ERICH3: variants seen among roughly 807,000 people sequenced by gnomAD.
ERICH3 encodes the protein glutamate rich 3.
A neutral mutation model predicts 131.1 loss-of-function variants in ERICH3; 126 were observed. The observed-to-expected ratio is 0.96, with a 90% CI of 0.83 to 1.11. ERICH3 has a LOEUF of 1.11. ERICH3 is among the 50% of genes most tolerant of loss of function. The pLI, the probability that ERICH3 is intolerant of heterozygous loss-of-function variation, is 0.00. For missense variants in ERICH3, 2,050 were observed against 1,810.7 expected (o/e 1.13, Z -2.40); for synonymous variants, 695 against 644.6 (o/e 1.08, Z -1.18).
At chr1:74,633,936 T>G (rs1191412856) in intron 6 of ERICH3, among the ~76,000 whole-genome samples, 1 of 152,078 alleles carries the variant, frequency 6.6e-6, no homozygotes, top group African/African-American at 2.4e-5. Flanking sequence ...TTTTTCCTCA[T>G]TTGCATCTCA....
intron 8 of ERICH3, among the ~76,000 whole-genome samples, chr1:74,613,049 A>G (rs1281477886): frequency 6.6e-6 from 1 of 152,188 alleles, no homozygotes; most frequent in African/African-American, 2.4e-5. Context: ...TATAAATCTC[A>G]TAATGTTTGA....
intron 3 of ERICH3, among the ~76,000 whole-genome samples, 200 bp from the exon 4 acceptor site, chr1:74,643,298 T>G (rs1646452286): frequency 6.6e-6 from 1 of 152,116 alleles, no homozygotes; most frequent in African/African-American, 2.4e-5. Context: ...GAACATATAT[T>G]AAGCAGTTAA....
intron 13 of ERICH3, among the ~76,000 whole-genome samples, chr1:74,575,699 A>G: frequency 6.6e-6 from 1 of 152,202 alleles, no homozygotes; most frequent in East Asian, 1.9e-4. Flanking sequence ...CTGGTTTCTA[A>G]ATTTATGGAT....
intron 12 of ERICH3, among the ~76,000 whole-genome samples, chr1:74,585,866 C>A (rs1647302933): frequency 6.6e-6 from 1 of 152,010 alleles, no homozygotes; most frequent in African/African-American, 2.4e-5. Flanking sequence ...AAAATATTAA[C>A]AAATTTATTG....
chr1:74,612,571 A>G (rs1570867651), intron 9 of ERICH3, 52 bp downstream of exon 9: 1 of 1,445,256 alleles, frequency 6.9e-7, no homozygotes, highest in Non-Finnish European at 9.3e-7. Flanking sequence ...AAGGCATTCA[A>G]AGAAAAATGT....
At position 74,620,919 on chromosome 1, in the gene ERICH3, A is replaced by C; in HGVS notation, c.820-5T>G. 1 of 1,555,940 alleles carries C rather than the reference A, an allele frequency of 6.4e-7. No individual in the cohort carries two copies. Among genetic ancestry groups the C allele is most frequent in the Non-Finnish European group, 8.7e-7 (1 of 1,151,106 alleles). The stretch of plus-strand genomic sequence containing the variant: ...TTTATGAATCCTTCTTGAATCCTGA[A>C]ATAAACAGAAAAATGAGGCTTATTA... On this transcript the variant is annotated splice_polypyrimidine_tract_variant and splice_region_variant and intron_variant, in intron 7 of 14. Transcript: ENST00000326665.
chr1:74,620,177 CA>C (rs1649153042), intron 8 of ERICH3, among the ~76,000 whole-genome samples: 1 of 152,138 alleles, frequency 6.6e-6, no homozygotes, highest in African/African-American at 2.4e-5. Context: ...GTATAATTTG[CA>C]AAAACCTACA....
intron 8 of ERICH3, among the ~76,000 whole-genome samples, chr1:74,620,245 A>G (rs746879269): frequency 1.3e-5 from 2 of 152,232 alleles, no homozygotes; most frequent in Non-Finnish European, 2.9e-5. Flanking sequence ...AAATGAAAGC[A>G]AAAATGTACT....
Position 74,576,901 on chromosome 1 carries a change from G to A in ERICH3, c.2212C>T (p.Leu738Phe), listed in dbSNP as rs151073055. Residue 738 changes from leucine (L) to phenylalanine (F), a missense_variant, in exon 13 of 15, where the codon CTT (leucine) becomes TTT (phenylalanine). Transcript: ENST00000326665. ...DSLPLAYVLALGAPTMNFMVD... is the reference protein window; with the variant it reads ...DSLPLAYVLAFGAPTMNFMVD... ...TTGCAGATGGAATACTTACCACCAA[G>A]AGCCAGGACATAGGCTAATGGCAAT... 84 of 1,596,444 alleles carry A rather than the reference G, an allele frequency of 5.3e-5. No homozygotes were observed. Among genetic ancestry groups the A allele is most frequent in the Middle Eastern group, 5.0e-4 (3 of 5,980 alleles).
rs917748521 is a variant in ERICH3, at chr1:74,569,365, A to G, written c.*1093T>C. The G allele has an allele frequency of 6.6e-6, 1 of 152,184 alleles. No homozygotes were observed. Among genetic ancestry groups the G allele is most frequent in the Non-Finnish European group, 1.5e-5 (1 of 68,034 alleles). 9.4% of individuals were successfully genotyped at this position (152,184 alleles called of 1,614,324 possible). A position where few individuals can be genotyped will look rare whatever the true frequency, so the allele number is the denominator to read the frequency against. On this transcript the variant is annotated 3_prime_UTR_variant, in exon 15 of 15. Coordinates refer to ENST00000326665, the MANE Select transcript of ERICH3 (RefSeq NM_001002912.5). ...CTTCTCATATAGAGAAATGGTAGACATATACATGCGCTCTGGGGCACTTGT... is the reference window on the plus strand; with the variant it reads ...CTTCTCATATAGAGAAATGGTAGACGTATACATGCGCTCTGGGGCACTTGT...
chr1:74,612,831 A>C (rs376854932), intron 8 of ERICH3, 22 bp from the exon 9 acceptor site: 6 of 1,540,804 alleles, frequency 3.9e-6, no homozygotes, highest in Admixed American at 3.5e-5. Context: ...ATAGAAATAC[A>C]TTAGTGAAAG....
In ERICH3 at chr1:74,572,874, C is replaced by T. The variant is rs74543698; in HGVS notation, c.2836G>A (p.Glu946Lys). ...TCTAGGTCTATGGATGCTTCCTCTT[C>T]ACTTTCTCCGACATCACTCACAGCC... ...GVAVSDVGES[E>K]EEASIDLEDT... The change falls in exon 14 of 15, where the codon GAA becomes AAA. Residue 946 changes from glutamate (E) to lysine (K), a missense_variant. Coordinates refer to ENST00000326665, the MANE Select transcript of ERICH3 (RefSeq NM_001002912.5). The T allele has an allele frequency of 3.5e-5, 56 of 1,613,998 alleles. No homozygotes were observed. In the African/African-American group the frequency reaches 6.8e-4, roughly 20 times the overall value.
chr1:74,589,278 A>G, intron 12 of ERICH3: 1 of 386,334 alleles, frequency 2.6e-6, no homozygotes, highest in South Asian at 7.3e-5. Flanking sequence ...ATAGCTAAAA[A>G]CAAATAGTAT....
chr1:74,571,168 C>A lies in ERICH3; in HGVS notation c.4542G>T (p.Val1514=), dbSNP rs370321012. 6.2e-7 allele frequency: 1 copy of A among 1,614,104 alleles called. No homozygotes were observed. The highest frequency in any genetic ancestry group is 8.5e-7 in the Non-Finnish European group (1 of 1,179,992). The change falls in exon 14 of 15, where the codon GTG becomes GTT. Residue 1514 remains valine (V), a synonymous_variant. Coordinates refer to ENST00000326665, the MANE Select transcript of ERICH3 (RefSeq NM_001002912.5). Reference sequence around the variant, plus strand: ...CATCTGCAGTCTCGCTTTCTCCTTGCACCATATGCTGTTGCTTCTCTCGGG... The same window carrying A: ...CATCTGCAGTCTCGCTTTCTCCTTGAACCATATGCTGTTGCTTCTCTCGGG... The part of the protein sequence containing the change: ...TETREKQQHM[V]QGESETADVS...
chr1:74,662,144 A>C (rs1279974630), intron 1 of ERICH3, among the ~76,000 whole-genome samples: 1 of 152,096 alleles, frequency 6.6e-6, no homozygotes, highest in Non-Finnish European at 1.5e-5. Context: ...TTTTTGCTCC[A>C]TGCTCTTGCA....
intron 11 of ERICH3, among the ~76,000 whole-genome samples, chr1:74,590,905 T>A (rs1381637731): frequency 6.6e-6 from 1 of 152,206 alleles, no homozygotes; most frequent in Non-Finnish European, 1.5e-5. Context: ...TTGAAAACGC[T>A]TTATAAATAT....
chr1:74,658,102 GTA>G (rs1646602901), intron 1 of ERICH3, among the ~76,000 whole-genome samples: 1 of 152,138 alleles, frequency 6.6e-6, no homozygotes, highest in African/African-American at 2.4e-5. Flanking sequence ...GTTAACAGAT[GTA>G]GAGTGGTTAG....
chr1:74,611,634 T>C (rs1334855841), intron 9 of ERICH3, among the ~76,000 whole-genome samples: 1 of 152,192 alleles, frequency 6.6e-6, no homozygotes, highest in African/African-American at 2.4e-5. Context: ...CATGGTTCTA[T>C]TCCTTTTGTG....
At chr1:74,628,226 A>G (rs1321818775) in intron 7 of ERICH3, among the ~76,000 whole-genome samples, 1 of 152,174 alleles carries the variant, frequency 6.6e-6, no homozygotes, top group Non-Finnish European at 1.5e-5. Context: ...CATATTTTCC[A>G]TCGTGTTTAG....
Sources: gnomAD v4.1 joint callset for allele counts (sites outside exome capture counted in the v4.1 genomes callset) on GRCh38, gnomAD v4.1.1 for gene constraint, MANE v1.5 for transcripts, NCBI Gene and HGNC (gene_info 2026-07-23, HGNC 2026-07-21) for gene names.